KLF8: variants seen among roughly 807,000 people sequenced by gnomAD.
KLF8 encodes the protein KLF transcription factor 8.
KLF8 carries 10 observed loss-of-function variants against 18.2 expected under a neutral mutation model. The observed-to-expected ratio is 0.55, with a 90% CI of 0.34 to 0.93. The LOEUF is 0.93. KLF8 is among the 40% of genes least tolerant of loss of function. KLF8 has a pLI of 0.02. For missense variants in KLF8, 264 were observed against 277.9 expected (o/e 0.95, Z 0.36); for synonymous variants, 109 against 97.3 (o/e 1.12, Z -0.71).
the KLF8 span, among the ~76,000 whole-genome samples, chrX:56,199,103 G>T: frequency 8.9e-6 from 1 of 112,097 alleles, no homozygotes; most frequent in East Asian, 2.8e-4. Context: ...ATGGATGAAA[G>T]ACTTAAATGT....
chrX:56,244,183 C>T (rs886312532), intron 1 of KLF8, among the ~76,000 whole-genome samples: 1 of 111,725 alleles, frequency 9.0e-6, no homozygotes, highest in African/African-American at 3.3e-5. Flanking sequence ...TTAGTTTCCT[C>T]ATTTTTAAAT....
At chrX:55,985,762 G>A in the KLF8 span, among the ~76,000 whole-genome samples, 1 of 110,781 alleles carries the variant, frequency 9.0e-6, no homozygotes, top group Non-Finnish European at 1.9e-5. Context: ...CTATTCAGGA[G>A]CATGGAATGT....
chrX:56,160,789 G>C, the KLF8 span, among the ~76,000 whole-genome samples: 21 of 110,938 alleles, frequency 1.9e-4, no homozygotes, highest in East Asian at 5.6e-3. Flanking sequence ...GTGTCTCTGC[G>C]CGTGAGATGG....
chrX:56,264,963 A>G (rs1264320309), intron 2 of KLF8, among the ~76,000 whole-genome samples: 1 of 112,020 alleles, frequency 8.9e-6, no homozygotes, highest in Non-Finnish European at 1.9e-5. Context: ...CGTTAAATGA[A>G]ATAATTTTTA....
chrX:56,062,428 C>T, the KLF8 span, among the ~76,000 whole-genome samples: 2 of 111,620 alleles, frequency 1.8e-5, no homozygotes, highest in Admixed American at 9.5e-5. Context: ...GATTTTATTT[C>T]TCCTTGGCTT....
the KLF8 span, among the ~76,000 whole-genome samples, chrX:55,951,305 G>A: frequency 9.2e-5 from 10 of 108,657 alleles, no homozygotes; most frequent in Non-Finnish European, 1.1e-4. Flanking sequence ...GTGAAACCCC[G>A]TCTCTACTAA....
the KLF8 span, among the ~76,000 whole-genome samples, chrX:56,121,590 T>G: frequency 1.7e-5 from 1 of 58,295 alleles, no homozygotes; most frequent in Non-Finnish European, 3.5e-5. Flanking sequence ...TTCATGTTTC[T>G]GCCTTCTTCA....
chrX:55,939,430 A>T, the KLF8 span, among the ~76,000 whole-genome samples: 4 of 111,883 alleles, frequency 3.6e-5, no homozygotes, highest in Admixed American at 9.5e-5. Context: ...AACAGGAAAG[A>T]TCTAAAATTG....
At chrX:55,956,295 G>T in the KLF8 span, among the ~76,000 whole-genome samples, 4 of 110,807 alleles carry the variant, frequency 3.6e-5, no homozygotes, top group East Asian at 1.1e-3. Flanking sequence ...TTATCCATTT[G>T]TCTATAAGTG....
At chrX:55,985,881 C>A in the KLF8 span, among the ~76,000 whole-genome samples, 1 of 110,611 alleles carries the variant, frequency 9.0e-6, no homozygotes, top group Admixed American at 9.7e-5. Flanking sequence ...GTATTATATT[C>A]TTTTTGTGGG....
the KLF8 span, among the ~76,000 whole-genome samples, chrX:56,217,283 G>C: frequency 9.0e-6 from 1 of 111,729 alleles, no homozygotes. Context: ...TATGGTAAAA[G>C]GGCTCATTAT....
At chrX:55,994,367 A>G in the KLF8 span, among the ~76,000 whole-genome samples, 2 of 110,799 alleles carry the variant, frequency 1.8e-5, no homozygotes, top group Non-Finnish European at 3.8e-5. Context: ...TTATTTCAAA[A>G]AAACAACTTT....
the KLF8 span, among the ~76,000 whole-genome samples, chrX:56,204,334 C>A: frequency 9.0e-6 from 1 of 111,485 alleles, no homozygotes; most frequent in East Asian, 2.8e-4. Context: ...AGTTTTTAGG[C>A]TTTTGCAAAT....
the KLF8 span, among the ~76,000 whole-genome samples, chrX:55,983,522 A>T: frequency 8.9e-6 from 1 of 111,901 alleles, no homozygotes; most frequent in African/African-American, 3.2e-5. Context: ...TCCTGCAAAC[A>T]TACTGCTCTA....
chrX:56,008,096 C>T, the KLF8 span, among the ~76,000 whole-genome samples: 1 of 106,356 alleles, frequency 9.4e-6, no homozygotes, highest in East Asian at 2.9e-4. Context: ...ATGCAAATAA[C>T]TGGAATTTTA....
the KLF8 span, among the ~76,000 whole-genome samples, chrX:55,962,768 T>C: frequency 8.9e-6 from 1 of 112,450 alleles, no homozygotes; most frequent in Non-Finnish European, 1.9e-5. Flanking sequence ...TGCAAGAAAG[T>C]CATCACACCA....
At chrX:55,954,386 G>A in the KLF8 span, among the ~76,000 whole-genome samples, 2 of 111,339 alleles carry the variant, frequency 1.8e-5, no homozygotes, top group Non-Finnish European at 3.8e-5. Context: ...AATAGACAAA[G>A]GATTTGAATA....
chrX:55,991,945 G>A, the KLF8 span, among the ~76,000 whole-genome samples: 1 of 112,157 alleles, frequency 8.9e-6, no homozygotes, highest in Admixed American at 9.4e-5. Context: ...ATTTGTTAAT[G>A]TGGTTGTTTT....
chrX:56,174,953 C>T, the KLF8 span, among the ~76,000 whole-genome samples: 1 of 111,848 alleles, frequency 8.9e-6, no homozygotes, highest in Non-Finnish European at 1.9e-5. Flanking sequence ...TCCTGTTTGT[C>T]ATTTTTTATT....
Sources: gnomAD v4.1 joint callset for allele counts (sites outside exome capture counted in the v4.1 genomes callset) on GRCh38, gnomAD v4.1.1 for gene constraint, MANE v1.5 for transcripts, NCBI Gene and HGNC (gene_info 2026-07-23, HGNC 2026-07-21) for gene names.